TRAPPC12: variants seen among roughly 807,000 people sequenced by gnomAD.
TRAPPC12 encodes the protein trafficking protein particle complex subunit 12.
TRAPPC12 carries 61 observed loss-of-function variants against 69.2 expected under a neutral mutation model. The ratio of observed to expected loss-of-function variants is 0.88; its 90% CI spans 0.72 to 1.09. TRAPPC12 has a LOEUF of 1.09. Among genes scored for constraint, TRAPPC12 ranks in the 50% least tolerant of loss-of-function variants. The pLI is 0.00. For missense variants in TRAPPC12, 1,101 were observed against 1,016.4 expected (o/e 1.08, Z -1.13); for synonymous variants, 469 against 438.9 (o/e 1.07, Z -0.86).
chr2:3,456,119 A>G (rs1263096527), intron 6 of TRAPPC12: 4 of 152,226 alleles, frequency 2.6e-5, no homozygotes, highest in Non-Finnish European at 5.9e-5. Flanking sequence ...ATTCTTTTCA[A>G]GGTTACAATT....
chr2:3,455,481 T>C (rs1665094926), intron 6 of TRAPPC12: 1 of 151,984 alleles, frequency 6.6e-6, no homozygotes, highest in African/African-American at 2.4e-5. Flanking sequence ...TTGTACCCAT[T>C]ACCATCCCCA....
Position 3,388,297 on chromosome 2 carries a change from A to T in TRAPPC12, c.674A>T (p.Asp225Val), listed in dbSNP as rs375509137. 1 of 1,602,896 alleles carries T rather than the reference A, an allele frequency of 6.2e-7. No homozygotes were observed. The highest frequency in any genetic ancestry group is 1.4e-5 in the African/African-American group (1 of 72,758). The change falls in exon 2 of 12, where the codon GAC becomes GTC. Residue 225 changes from aspartate to valine, a missense_variant. By Grantham distance (152) the Asp-to-Val change is radical (BLOSUM62 -3). Transcript: ENST00000324266. ...ASHSLASDFF[D>V]SFTTSAFISV... Reference sequence around the variant, plus strand: ...CACTCCTTGGCCTCGGACTTCTTCGACTCCTTTACTACCTCCGCCTTCATT... The same window carrying T: ...CACTCCTTGGCCTCGGACTTCTTCGTCTCCTTTACTACCTCCGCCTTCATT...
chr2:3,433,636 C>A (rs1663588295), intron 5 of TRAPPC12, among the ~76,000 whole-genome samples: 1 of 152,188 alleles, frequency 6.6e-6, no homozygotes, highest in South Asian at 2.1e-4. Flanking sequence ...AGCACCAAGG[C>A]CCGGGCAATT....
At chr2:3,469,795 G>A (rs1037768217) in intron 9 of TRAPPC12, among the ~76,000 whole-genome samples, 18 of 152,174 alleles carry the variant, frequency 1.2e-4, no homozygotes, top group African/African-American at 4.3e-4. Context: ...ACCCCTGACA[G>A]GTGGGAAATG....
intron 2 of TRAPPC12, among the ~76,000 whole-genome samples, chr2:3,393,114 A>T (rs565908498): frequency 1.8e-4 from 20 of 110,442 alleles, no homozygotes; most frequent in South Asian, 7.8e-4. Flanking sequence ...GTCTCTTTTT[A>T]AAAAAAAAAA....
At chr2:3,421,121 T>G (rs111241488) in intron 3 of TRAPPC12, among the ~76,000 whole-genome samples, 5,117 of 152,306 alleles carry the variant, frequency 0.034, 271 homozygotes, top group African/African-American at 0.11. Context: ...CCCGTTACAT[T>G]GAGAAAAGAC....
At chr2:3,401,028 AG>A (rs1661416219) in intron 2 of TRAPPC12, among the ~76,000 whole-genome samples, 1 of 152,228 alleles carries the variant, frequency 6.6e-6, no homozygotes, top group African/African-American at 2.4e-5. Flanking sequence ...CACCGTCTAA[AG>A]ATCGTTCTAA....
At chr2:3,435,210 C>T (rs559427110) in intron 5 of TRAPPC12, among the ~76,000 whole-genome samples, 8 of 151,962 alleles carry the variant, frequency 5.3e-5, no homozygotes, top group South Asian at 4.2e-4. Flanking sequence ...ACGGGGTTTT[C>T]GCCATGTTGG....
chr2:3,443,205 CAG>C (rs1664318180), intron 5 of TRAPPC12, among the ~76,000 whole-genome samples: 1 of 152,248 alleles, frequency 6.6e-6, no homozygotes, highest in South Asian at 2.1e-4. Flanking sequence ...TGCCTCCTGT[CAG>C]AGGTGGAACG....
rs1417086082 is a variant in TRAPPC12 at position 3,465,639 on chromosome 2, T to C, written c.1720T>C (p.Tyr574His). 1 of 1,614,182 alleles carries C rather than the reference T, an allele frequency of 6.2e-7. No homozygotes were observed. The highest frequency in any genetic ancestry group is 8.5e-7 in the Non-Finnish European group (1 of 1,180,012). ...GGAGGCGTATCATTCGGTTATCAAG[T>C]ATTACCCAGAGCAAGAGCCCCAGCT... ...AVEAYHSVIK[Y>H]YPEQEPQLLS... The change falls in exon 9 of 12, where the codon TAT (tyrosine) becomes CAT (histidine). Residue 574 changes from tyrosine (Y) to histidine (H), a missense_variant. Physicochemically the swap from Tyr to His is moderately conservative, Grantham distance 83. Coordinates refer to ENST00000324266, the MANE Select transcript of TRAPPC12 (RefSeq NM_016030.6).
intron 10 of TRAPPC12, 83 bp from the exon 11 acceptor site, chr2:3,478,763 G>T: frequency 8.1e-7 from 1 of 1,232,636 alleles, no homozygotes. Context: ...GTCTCTGTGG[G>T]ATCCAAAGCC....
chr2:3,472,229 A>G (rs1269806118), intron 9 of TRAPPC12, among the ~76,000 whole-genome samples: 1 of 152,112 alleles, frequency 6.6e-6, no homozygotes, highest in Non-Finnish European at 1.5e-5. Context: ...AAGGGAAGGA[A>G]GGGCCAGGGA....
chr2:3,383,871 G>GTTTTTTATTTTTTTTTTT (rs1660353878), intron 1 of TRAPPC12, among the ~76,000 whole-genome samples: 1 of 85,592 alleles, frequency 1.2e-5, no homozygotes, highest in Non-Finnish European at 2.3e-5. Flanking sequence ...GTTCAGTCTT[G>GTTTTTTATTTTTTTTTTT]TTTTTTTTTT....
At position 3,414,288 on chromosome 2, in the gene TRAPPC12, G is replaced by A. The variant is rs187022994; in HGVS notation, c.1165-7593G>A. ...ACCCACTTGGCAGCCAGTACCCATC[G>A]TAACCAGTCACTCAAACCAGGCACG... is the stretch of plus-strand genomic sequence containing the variant. On this transcript the variant is annotated intron_variant, in intron 3 of 11. Transcript: ENST00000324266. The surrounding 1 kb of genome is among the most constrained non-coding windows in gnomAD (Gnocchi z 4.9). Among the ~76,000 whole-genome samples, 154 of 152,262 alleles carry A rather than the reference G, an allele frequency of 1.0e-3. No homozygotes were observed. The highest frequency in any genetic ancestry group is 2.2e-3 in the Admixed American group (33 of 15,298).
chr2:3,438,646 A>G (rs1315566547), intron 5 of TRAPPC12, among the ~76,000 whole-genome samples: 1 of 144,782 alleles, frequency 6.9e-6, no homozygotes, highest in African/African-American at 2.6e-5. Context: ...CATTGTCTCC[A>G]TAGTTTCCCC....
intron 9 of TRAPPC12, among the ~76,000 whole-genome samples, chr2:3,469,164 G>A (rs1558408075): frequency 6.6e-6 from 1 of 152,192 alleles, no homozygotes; most frequent in African/African-American, 2.4e-5. Context: ...AAGCACGTGT[G>A]TTTTCCAGCT....
intron 5 of TRAPPC12, among the ~76,000 whole-genome samples, chr2:3,433,465 G>A (rs1453942668): frequency 6.6e-6 from 1 of 151,914 alleles, no homozygotes; most frequent in East Asian, 1.9e-4. Context: ...CGGCAACCTA[G>A]CTGCCTCTGG....
rs115851810 is a variant in TRAPPC12 at position 3,460,158 on chromosome 2, G to A, written c.1604-105G>A. On this transcript the variant is annotated intron_variant, in intron 7 of 11. Transcript: ENST00000324266. ...GGCCGAAATCCAGTGGTGTTAACAAGAGGGATCTTTTAAAGTTAAATTAGA... is the reference window on the plus strand; with the variant it reads ...GGCCGAAATCCAGTGGTGTTAACAAAAGGGATCTTTTAAAGTTAAATTAGA... The A allele has an allele frequency of 1.8e-3, 1,432 of 798,316 alleles. 12 individuals are homozygous for A. In the African/African-American group the frequency reaches 0.019, roughly 11 times the overall value. 49.5% of individuals were successfully genotyped at this position (798,316 alleles called of 1,614,324 possible).
chr2:3,443,733 G>A, intron 5 of TRAPPC12, 46 bp from the exon 6 acceptor site: 1 of 1,493,746 alleles, frequency 6.7e-7, no homozygotes, highest in Non-Finnish European at 9.3e-7. Context: ...ATGAATGCGT[G>A]CTCAGTTATG....
Sources: gnomAD v4.1 joint callset for allele counts (sites outside exome capture counted in the v4.1 genomes callset) on GRCh38, gnomAD v4.1.1 for gene constraint, Gnocchi (gnomAD v3.1) non-coding constraint, MANE v1.5 for transcripts, NCBI Gene and HGNC (gene_info 2026-07-23, HGNC 2026-07-21) for gene names.